The following FGG variants were observed in gnomAD, a reference collection of about 807,000 sequenced individuals.
FGG encodes the protein fibrinogen, gamma polypeptide.
Under a neutral mutation model 51.7 loss-of-function variants are expected in FGG, and 20 were observed. The observed-to-expected ratio is 0.39, with a 90% CI of 0.27 to 0.56. The LOEUF (loss-of-function observed/expected upper bound fraction) is 0.56, where lower values mean the gene tolerates loss of function less well. FGG is among the 20% of genes least tolerant of loss of function. FGG has a pLI of 0.64. For missense variants in FGG, 460 were observed against 534.2 expected (o/e 0.86, Z 1.37); for synonymous variants, 184 against 184.7 (o/e 1.00, Z 0.03).
chr4:154,608,503 A>G lies in FGG; in HGVS notation c.814T>C (p.Leu272=), dbSNP rs1578809939. ...TTCCAGTCTTCCAGTTCCACTCTTA[A>G]TGCATATGGGATGGCAGACTGTGTG... is the stretch of plus-strand genomic sequence containing the variant. ...ISTQSAIPYA[L]RVELEDWNGR... is the part of the protein sequence containing the mutation. Residue 272 remains leucine, a synonymous_variant, in exon 7 of 9, where the codon TTA becomes CTA. Coordinates refer to ENST00000336098, the MANE Select transcript of FGG (RefSeq NM_021870.3). 2 of 1,613,688 alleles carry G rather than the reference A, an allele frequency of 1.2e-6. No homozygotes were observed. The highest frequency in any genetic ancestry group is 1.7e-6 in the Non-Finnish European group (2 of 1,179,806).
chr4:154,609,935 C>T, intron 5 of FGG, 132 bp downstream of exon 5: 1 of 1,502,338 alleles, frequency 6.7e-7, no homozygotes. Context: ...CAAGAAAGGT[C>T]TAGACAACTG....
intron 7 of FGG, among the ~76,000 whole-genome samples, chr4:154,607,523 A>G (rs1408308725): frequency 6.6e-6 from 1 of 152,164 alleles, no homozygotes; most frequent in East Asian, 1.9e-4. Context: ...TACACAATCA[A>G]AGTCTTCCCT....
intron 8 of FGG, 88 bp from the exon 9 acceptor site, chr4:154,605,154 T>TCCATCCCGGACTCAGCTGC: frequency 7.3e-7 from 1 of 1,360,696 alleles, no homozygotes. Context: ...ACGAAGTGCA[T>TCCATCCCGGACTCAGCTGC]TGCCAGTTAC....
chr4:154,604,641 A>C lies in FGG; in HGVS notation c.*193T>G. 1 of 1,366,420 alleles carries C rather than the reference A, an allele frequency of 7.3e-7. No homozygotes were observed. 84.6% of individuals were successfully genotyped at this position (1,366,420 alleles called of 1,614,324 possible). A position where few individuals can be genotyped will look rare whatever the true frequency, so the allele number is the denominator to read the frequency against. ...ACAAAGTTGAAATGTTATCTCCTCA[A>C]ATAAACAATTTTTAAATAACTCTGA... On this transcript the variant is annotated 3_prime_UTR_variant, in exon 9 of 9. Transcript: ENST00000336098.
In FGG at chr4:154,609,680, C is replaced by A; in HGVS notation, c.616G>T (p.Val206Phe). 1 of 1,614,008 alleles carries A rather than the reference C, an allele frequency of 6.2e-7. No homozygotes were observed. The highest frequency in any genetic ancestry group is 8.5e-7 in the Non-Finnish European group (1 of 1,179,924). ...CCAGACCCATCGATTTCACAGTAGA[C>A]TAAGAATTGCTGGTTAGCTTTCAGA... ...KPLKANQQFL[V>F]YCEIDGSGNG... The change falls in exon 6 of 9, where the codon GTC (valine) becomes TTC (phenylalanine). Residue 206 changes from valine to phenylalanine, a missense_variant. Val to Phe is a conservative substitution (Grantham distance 50). Coordinates refer to ENST00000336098, the MANE Select transcript of FGG (RefSeq NM_021870.3).
rs2110838555 is a variant in FGG, at chr4:154,604,845, C to T, written c.1351G>A (p.Asp451Asn). 1.9e-6 allele frequency: 3 copies of T among 1,614,014 alleles called. No homozygotes were observed. Among genetic ancestry groups the T allele is most frequent in the African/African-American group, 2.7e-5 (2 of 75,034 alleles). The change falls in exon 9 of 9, where the codon GAT (aspartate) becomes AAT (asparagine). Residue 451 changes from aspartate (D) to asparagine (N), a missense_variant. Coordinates refer to ENST00000336098, the MANE Select transcript of FGG (RefSeq NM_021870.3). ...ETEYDSLYPE[D>N]DL ...TAGCAGTTAATTTTCTACAAATCAT[C>T]CTCAGGGTAAAGTGAGTCATATTCT...
At position 154,610,067 on chromosome 4, in the gene FGG, C is replaced by G; in HGVS notation, c.532G>C (p.Asp178His). Residue 178 changes from aspartate (D) to histidine (H), a missense_variant and splice_region_variant, in exon 5 of 9, where the codon GAT (aspartate) becomes CAT (histidine). Around this residue, in one of 3 missense-constraint regions of FGG, gnomAD observed 353 missense variants for 391.7 expected, o/e 0.90. Coordinates refer to ENST00000336098, the MANE Select transcript of FGG (RefSeq NM_021870.3). ...TCCCAATATAACCTTCATCAGTTACCTTTCCCAGTGATATCATGGATTTGC... is the reference window on the plus strand; with the variant it reads ...TCCCAATATAACCTTCATCAGTTACGTTTCCCAGTGATATCATGGATTTGC... The part of the protein sequence containing the change: ...TVQIHDITGK[D>H]CQDIANKGAK... 6.2e-7 allele frequency: 1 copy of G among 1,613,780 alleles called. No individual in the cohort carries two copies. Among genetic ancestry groups the G allele is most frequent in the Non-Finnish European group, 8.5e-7 (1 of 1,179,812 alleles).
chr4:154,609,048 C>A (rs1047619187), intron 6 of FGG, among the ~76,000 whole-genome samples: 1 of 152,134 alleles, frequency 6.6e-6, no homozygotes, highest in Non-Finnish European at 1.5e-5. Context: ...CTCTGAGCGC[C>A]CCCTGTAGAA....
rs1731067488 is a variant in FGG at position 154,604,829 on chromosome 4, A to AT, written c.*4dup. ...GTGGGTCAATAGAAGTTAGCAGTTAATTTTCTACAAATCATCCTCAGGGTA... is the reference window on the plus strand; with the variant it reads ...GTGGGTCAATAGAAGTTAGCAGTTAATTTTTCTACAAATCATCCTCAGGGTA... On this transcript the variant is annotated 3_prime_UTR_variant, in exon 9 of 9. Transcript: ENST00000336098. 1 of 1,613,736 alleles carries AT rather than the reference A, an allele frequency of 6.2e-7. No individual in the cohort carries two copies. The highest frequency in any genetic ancestry group is 1.3e-5 in the African/African-American group (1 of 74,910).
At chr4:154,611,939 T>C (rs762118043) in intron 3 of FGG, 41 bp from the exon 4 acceptor site, 63 of 1,603,626 alleles carry the variant, frequency 3.9e-5, no homozygotes, top group Admixed American at 3.8e-4. Flanking sequence ...CTTAAGCAAA[T>C]AGAACAACTA....
chr4:154,609,774 A>C lies in FGG; in HGVS notation c.533-11T>G, dbSNP rs1205767159. On this transcript the variant is annotated splice_polypyrimidine_tract_variant and intron_variant, in intron 5 of 8. Transcript: ENST00000336098. ...CAATGTCTTGACAATCTAGAGAAGG[A>C]GAATCGACTTTTACTGTGGTTTGAA... The C allele has an allele frequency of 6.2e-7, 1 of 1,614,020 alleles. No individual in the cohort carries two copies. Among genetic ancestry groups the C allele is most frequent in the Non-Finnish European group, 8.5e-7 (1 of 1,179,936 alleles).
At position 154,604,983 on chromosome 4, in the gene FGG, T is replaced by C. The variant is rs1246011440; in HGVS notation, c.1213A>G (p.Met405Val). 3 of 1,613,990 alleles carry C rather than the reference T, an allele frequency of 1.9e-6. No individual in the cohort carries two copies. The highest frequency in any genetic ancestry group is 2.2e-5 in the East Asian group (1 of 44,884). The change falls in exon 9 of 9, where the codon ATG becomes GTG. Residue 405 changes from methionine (M) to valine (V), a missense_variant. By Grantham distance (21) the Met-to-Val change is conservative. Coordinates refer to ENST00000336098, the MANE Select transcript of FGG (RefSeq NM_021870.3). ...ATTATCTTCATAGTGGTTTTCTTCA[T>C]GGAATACCACCGGGTTTTCCAAGTG... ...WATWKTRWYSMKKTTMKIIPF... is the reference protein window; with the variant it reads ...WATWKTRWYSVKKTTMKIIPF...
Position 154,610,121 on chromosome 4 carries a change from G to T in FGG, c.478C>A (p.Gln160Lys), listed in dbSNP as rs1731179301. The T allele has an allele frequency of 1.2e-6, 2 of 1,613,508 alleles. No homozygotes were observed. Among genetic ancestry groups the T allele is most frequent in the African/African-American group, 2.7e-5 (2 of 74,890 alleles). Residue 160 changes from glutamine to lysine, a missense_variant, in exon 5 of 9, where the codon CAG becomes AAG. Physicochemically the swap from Gln to Lys is moderately conservative, Grantham distance 53. Transcript: ENST00000336098. ...GTGTCTTTGCAAGGTTCCTGGCACT[G>T]TGCTTCAAGCTGGGCTACCTTCTCT... ...LKEKVAQLEA[Q>K]CQEPCKDTVQ...
At chr4:154,606,554 C>T (rs1382853709) in intron 8 of FGG, 151 bp downstream of exon 8, 6 of 955,238 alleles carry the variant, frequency 6.3e-6, no homozygotes, top group Non-Finnish European at 9.1e-6. Context: ...TATCCACTTC[C>T]AGTTTCAAAG....
At position 154,606,892 on chromosome 4, in the gene FGG, A is replaced by G. The variant is rs561974586; in HGVS notation, c.942T>C (p.Asp314=). 132 of 1,613,918 alleles carry G rather than the reference A, an allele frequency of 8.2e-5. 1 individual carries two copies. The South Asian group carries it at 1.4e-3, about 17-fold the overall frequency. ...YAYFAGGDAG[D]AFDGFDFGDD... The stretch of plus-strand genomic sequence containing the variant: ...CGCCAAAATCAAAGCCATCAAAGGC[A>G]TCTCCAGCATCCCCACCAGCGAAGT... Residue 314 remains aspartate (D), a synonymous_variant, in exon 8 of 9, where the codon GAT becomes GAC. Coordinates refer to ENST00000336098, the MANE Select transcript of FGG (RefSeq NM_021870.3).
rs202132393 is a variant in FGG, at chr4:154,612,201, C to T, written c.124G>A (p.Gly42Ser). ...DNCCILDERFGSYCPTTCGIA... is the reference protein window; with the variant it reads ...DNCCILDERFSSYCPTTCGIA... ...CCACAGGTAGTTGGACAATAACTAC[C>T]CTGAAAATATAACAGTGATTAAAAA... The change falls in exon 3 of 9, where the codon GGT (glycine) becomes AGT (serine). Residue 42 changes from glycine (G) to serine (S), a missense_variant and splice_region_variant. Gly to Ser is a moderately conservative substitution (Grantham distance 56). Coordinates refer to ENST00000336098, the MANE Select transcript of FGG (RefSeq NM_021870.3). The T allele has an allele frequency of 3.6e-4, 580 of 1,609,136 alleles. No homozygotes were observed. In the Middle Eastern group the frequency reaches 0.01, roughly 28 times the overall value.
rs766602746 is a variant in FGG at position 154,612,442 on chromosome 4, G to T, written c.79-7C>A. On this transcript the variant is annotated splice_polypyrimidine_tract_variant and splice_region_variant and intron_variant, in intron 1 of 8. Coordinates refer to ENST00000336098, the MANE Select transcript of FGG (RefSeq NM_021870.3). The stretch of plus-strand genomic sequence containing the variant: ...TGTCTCTGGTAGCAACATACTAAAA[G>T]AGAAAAAATACAGAAATTTCACTAG... 49 of 1,613,708 alleles carry T rather than the reference G, an allele frequency of 3.0e-5. No homozygotes were observed. Among genetic ancestry groups the T allele is most frequent in the Non-Finnish European group, 4.0e-5 (47 of 1,179,850 alleles).
At position 154,610,216 on chromosome 4, in the gene FGG, G is replaced by A. The variant is rs1731182822; in HGVS notation, c.402-19C>T. On this transcript the variant is annotated intron_variant, in intron 4 of 8. Transcript: ENST00000336098. ...CAAATATCTACAAACAGAAACATAAGATAACAAAAATAAGAAGACAAAAAT... is the reference window on the plus strand; with the variant it reads ...CAAATATCTACAAACAGAAACATAAAATAACAAAAATAAGAAGACAAAAAT... 6.5e-7 allele frequency: 1 copy of A among 1,536,572 alleles called. No homozygotes were observed. The highest frequency in any genetic ancestry group is 9.0e-7 in the Non-Finnish European group (1 of 1,110,964).
Position 154,612,613 on chromosome 4 carries a change from G to T in FGG, c.-4C>A. The T allele has an allele frequency of 6.2e-7, 1 of 1,613,540 alleles. No homozygotes were observed. Among genetic ancestry groups the T allele is most frequent in the Non-Finnish European group, 8.5e-7 (1 of 1,179,670 alleles). ...GGGGGTGCAAGGACCAACTCATGAT[G>T]TCTGAGTGCCCGGAGCTCCGAGCCT... On this transcript the variant is annotated 5_prime_UTR_variant, in exon 1 of 9. Coordinates refer to ENST00000336098, the MANE Select transcript of FGG (RefSeq NM_021870.3).
Sources: gnomAD v4.1 joint callset for allele counts (sites outside exome capture counted in the v4.1 genomes callset) on GRCh38, gnomAD v4.1.1 for gene constraint, gnomAD v4.1.1 regional missense constraint, MANE v1.5 for transcripts, NCBI Gene and HGNC (gene_info 2026-07-23, HGNC 2026-07-21) for gene names.